RAPGEF4: variants seen among roughly 807,000 people sequenced by gnomAD.
The protein encoded by RAPGEF4 is RAP guanine-nucleotide-exchange factor (GEF) 4.
RAPGEF4 carries 66 observed loss-of-function variants against 147.9 expected under a neutral mutation model. The ratio of observed to expected loss-of-function variants is 0.45; its 90% CI spans 0.37 to 0.55. The LOEUF (loss-of-function observed/expected upper bound fraction) is 0.55. Ranked by LOEUF, RAPGEF4 falls within the 20% of genes least tolerant of loss-of-function variation. RAPGEF4 has a pLI of 0.00. For missense variants in RAPGEF4, 1,071 were observed against 1,257.3 expected (o/e 0.85, Z 2.24); for synonymous variants, 419 against 442.7 (o/e 0.95, Z 0.67).
intron 16 of RAPGEF4, among the ~76,000 whole-genome samples, chr2:172,998,664 T>G (rs761279567): frequency 6.6e-6 from 1 of 152,166 alleles, no homozygotes; most frequent in Non-Finnish European, 1.5e-5. Context: ...ATATTTAGTA[T>G]AGAGAAACTG....
chr2:172,768,563 C>T (rs1472466174), intron 1 of RAPGEF4, among the ~76,000 whole-genome samples: 1 of 151,964 alleles, frequency 6.6e-6, no homozygotes, highest in Non-Finnish European at 1.5e-5. Flanking sequence ...ATCACACTTC[C>T]TGGCGTGAGT....
chr2:172,821,146 A>G (rs1388126303), intron 4 of RAPGEF4, among the ~76,000 whole-genome samples: 2 of 152,224 alleles, frequency 1.3e-5, no homozygotes, highest in Non-Finnish European at 2.9e-5. Context: ...CAGATATCCC[A>G]GAAGTTCTCA....
intron 4 of RAPGEF4, among the ~76,000 whole-genome samples, chr2:172,855,658 G>A (rs1693330623): frequency 6.6e-6 from 1 of 152,144 alleles, no homozygotes; most frequent in Admixed American, 6.6e-5. Context: ...TTCTGAAAAT[G>A]TCTTCATTGG....
intron 3 of RAPGEF4, among the ~76,000 whole-genome samples, chr2:172,813,132 A>T (rs1262183562): frequency 6.6e-6 from 1 of 152,208 alleles, no homozygotes; most frequent in Non-Finnish European, 1.5e-5. Context: ...CTGGATTCTT[A>T]TGGGCATTTG....
intron 4 of RAPGEF4, among the ~76,000 whole-genome samples, chr2:172,867,869 GAGA>G (rs1694811928): frequency 6.6e-6 from 1 of 152,234 alleles, no homozygotes; most frequent in African/African-American, 2.4e-5. Flanking sequence ...TCTTGTGACA[GAGA>G]AGAAGTCTGA....
chr2:172,997,403 A>G (rs935166026), intron 16 of RAPGEF4, among the ~76,000 whole-genome samples: 4 of 152,182 alleles, frequency 2.6e-5, no homozygotes, highest in Non-Finnish European at 5.9e-5. Context: ...CAAAGACCCT[A>G]TTTCCAAAGA....
intron 4 of RAPGEF4, among the ~76,000 whole-genome samples, chr2:172,886,240 C>T (rs58371723): frequency 6.6e-6 from 1 of 152,356 alleles, no homozygotes; most frequent in African/African-American, 2.4e-5. Context: ...CTGCCAACAA[C>T]TACAGTTTTA....
intron 15 of RAPGEF4, among the ~76,000 whole-genome samples, chr2:172,992,457 A>G (rs1692926156): frequency 6.6e-6 from 1 of 152,170 alleles, no homozygotes; most frequent in Middle Eastern, 3.2e-3. Flanking sequence ...ATGTCTGGGG[A>G]AAATTATGCT....
intron 6 of RAPGEF4, among the ~76,000 whole-genome samples, chr2:172,951,069 G>A (rs1259631631): frequency 6.6e-6 from 1 of 152,208 alleles, no homozygotes; most frequent in East Asian, 1.9e-4. Flanking sequence ...GCTTCATGCA[G>A]TCATTAAAAT....
intron 4 of RAPGEF4, among the ~76,000 whole-genome samples, chr2:172,862,604 G>C (rs2149782552): frequency 6.6e-6 from 1 of 152,298 alleles, no homozygotes; most frequent in South Asian, 2.1e-4. Flanking sequence ...ATAACGGCAA[G>C]TCTGTCTAGT....
intron 4 of RAPGEF4, among the ~76,000 whole-genome samples, chr2:172,839,391 A>G (rs1166819268): frequency 6.6e-6 from 1 of 152,272 alleles, no homozygotes; most frequent in African/African-American, 2.4e-5. Flanking sequence ...TCTTAATGAT[A>G]TACTAAAGAA....
chr2:172,847,454 C>T (rs1444664402), intron 4 of RAPGEF4, among the ~76,000 whole-genome samples: 1 of 152,210 alleles, frequency 6.6e-6, no homozygotes, highest in Non-Finnish European at 1.5e-5. Flanking sequence ...CCACCTGGCT[C>T]ATGCTCTCAG....
intron 10 of RAPGEF4, among the ~76,000 whole-genome samples, chr2:172,969,042 G>A (rs1317996229): frequency 6.6e-6 from 1 of 152,184 alleles, no homozygotes; most frequent in African/African-American, 2.4e-5. Flanking sequence ...ACAGGAGGGG[G>A]CCCACTGCTA....
intron 7 of RAPGEF4, 139 bp downstream of exon 7, chr2:172,960,952 C>T (rs1689226415): frequency 3.4e-6 from 3 of 877,332 alleles, no homozygotes; most frequent in South Asian, 1.7e-5. Flanking sequence ...TGTTTCAGTT[C>T]TCAACATAAA....
chr2:172,745,206 G>A (rs13036004), intron 1 of RAPGEF4, among the ~76,000 whole-genome samples: 17,999 of 151,946 alleles, frequency 0.12, 1,258 homozygotes, highest in Non-Finnish European at 0.15. Flanking sequence ...TCTTATAGAT[G>A]TCATCTGGGC....
intron 2 of RAPGEF4, 23 bp downstream of exon 2, chr2:172,795,190 T>C (rs1480735222): frequency 1.3e-6 from 2 of 1,572,940 alleles, no homozygotes; most frequent in East Asian, 2.2e-5. Context: ...ACTCTTGTAG[T>C]ATATTTCCAT....
chr2:173,037,315 G>A (rs6751860), intron 29 of RAPGEF4, among the ~76,000 whole-genome samples: 9,600 of 152,096 alleles, frequency 0.063, 422 homozygotes, highest in Admixed American at 0.11. Flanking sequence ...CAAACTCCTG[G>A]GCTCAAGCGC....
chr2:172,863,586 C>T (rs542639482), intron 4 of RAPGEF4, among the ~76,000 whole-genome samples: 1 of 152,228 alleles, frequency 6.6e-6, no homozygotes, highest in South Asian at 2.1e-4. Flanking sequence ...GAAATGGGAG[C>T]CAAAAGATGG....
intron 4 of RAPGEF4, among the ~76,000 whole-genome samples, chr2:172,888,603 C>T (rs902319363): frequency 2.0e-5 from 3 of 152,186 alleles, no homozygotes; most frequent in Admixed American, 1.3e-4. Context: ...CTCAAGTTTT[C>T]CCTTTGAATA....
Sources: allele counts gnomAD v4.1 joint callset (sites outside exome capture counted in the v4.1 genomes callset), GRCh38; gene constraint gnomAD v4.1.1; transcripts MANE v1.5; gene names NCBI Gene and HGNC (gene_info 2026-07-23, HGNC 2026-07-21).